Variants in PLPP4 observed in about 807,000 individuals in gnomAD.
PLPP4 encodes the protein diacylglycerol pyrophosphate like 2.
Under a neutral mutation model 32.2 loss-of-function variants are expected in PLPP4, and 20 were observed. That is an observed-to-expected ratio of 0.62 (90% CI 0.44 to 0.90). PLPP4 has a LOEUF of 0.90. Among genes scored for constraint, PLPP4 ranks in the 40% least tolerant of loss-of-function variants. The pLI is 0.00. For missense variants in PLPP4, 257 were observed against 353.1 expected, an observed-to-expected ratio of 0.73 and a Z score of 2.18; for synonymous variants, 127 against 133.0, an observed-to-expected ratio of 0.95 and a Z score of 0.31.
intron 5 of PLPP4, among the ~76,000 whole-genome samples, chr10:120,530,505 G>A (rs1448969778): frequency 1.3e-5 from 2 of 151,916 alleles, no homozygotes; most frequent in Non-Finnish European, 2.9e-5. Flanking sequence ...TTTTATTGTT[G>A]AAATGTATTT....
intron 1 of PLPP4, among the ~76,000 whole-genome samples, chr10:120,472,809 A>G (rs1848577540): frequency 6.6e-6 from 1 of 152,108 alleles, no homozygotes; most frequent in African/African-American, 2.4e-5. Context: ...GGCTCAGTTT[A>G]AGATAATTTC....
intron 5 of PLPP4, among the ~76,000 whole-genome samples, chr10:120,533,338 C>A (rs1846833462): frequency 6.6e-6 from 1 of 152,090 alleles, no homozygotes; most frequent in Admixed American, 6.5e-5. Context: ...CTATGCAAAT[C>A]CTTTGCCCAT....
At chr10:120,514,820 T>C (rs1387340343) in intron 3 of PLPP4, among the ~76,000 whole-genome samples, 5 of 152,184 alleles carry the variant, frequency 3.3e-5, no homozygotes, top group African/African-American at 4.8e-5. Flanking sequence ...ACACGTCACC[T>C]AAAAGTTACC....
chr10:120,514,829 C>T lies in PLPP4; in HGVS notation c.256+828C>T, dbSNP rs540307343. ...TTTTTGACACGTCACCTAAAAGTTA[C>T]CCAAATCCTCAGCCCAAATTTTGTT... is the stretch of plus-strand genomic sequence containing the variant. On this transcript the variant is annotated intron_variant, in intron 3 of 6. Transcript: ENST00000398250. 2.0e-5 allele frequency among the ~76,000 whole-genome samples: 3 copies of T among 152,248 alleles called. No homozygotes were observed. The East Asian group carries it at 5.8e-4, about 29-fold the overall frequency.
chr10:120,560,750 G>C (rs1487660619), intron 5 of PLPP4, among the ~76,000 whole-genome samples: 1 of 151,964 alleles, frequency 6.6e-6, no homozygotes, highest in Non-Finnish European at 1.5e-5. Context: ...GTGAGACTCT[G>C]TCTCAAAAAA....
intron 5 of PLPP4, among the ~76,000 whole-genome samples, chr10:120,531,864 TACACACACTACAC>T (rs1463494510): frequency 1.7e-5 from 2 of 115,544 alleles, no homozygotes; most frequent in Admixed American, 2.1e-4. Flanking sequence ...GTACACACAC[TACACACACTACAC>T]ACACACACAC....
intron 1 of PLPP4, among the ~76,000 whole-genome samples, chr10:120,487,290 C>T (rs116985130): frequency 2.6e-5 from 4 of 152,284 alleles, no homozygotes; most frequent in African/African-American, 9.6e-5. Context: ...TTTATTGTTA[C>T]GCTTTTAAAC....
intron 3 of PLPP4, among the ~76,000 whole-genome samples, chr10:120,517,458 AG>A (rs1405217377): frequency 6.6e-6 from 1 of 152,208 alleles, no homozygotes; most frequent in Non-Finnish European, 1.5e-5. Context: ...CTGTGTGTTC[AG>A]AATGCAATCA....
At chr10:120,497,419 G>GTATGTGTGTGCACACACAAGTGTGTGTT (rs905535714) in intron 1 of PLPP4, among the ~76,000 whole-genome samples, 3 of 152,012 alleles carry the variant, frequency 2.0e-5, no homozygotes, top group Non-Finnish European at 2.9e-5. Flanking sequence ...CAGGCAGTGT[G>GTATGTGTGTGCACACACAAGTGTGTGTT]TATGTGTGTG....
chr10:120,485,279 C>G (rs1406300527), intron 1 of PLPP4, among the ~76,000 whole-genome samples: 1 of 152,230 alleles, frequency 6.6e-6, no homozygotes, highest in African/African-American at 2.4e-5. Context: ...CTTATTCACT[C>G]TGGGTCCAAG....
chr10:120,472,695 A>G (rs1161992392), intron 1 of PLPP4, among the ~76,000 whole-genome samples: 1 of 151,778 alleles, frequency 6.6e-6, no homozygotes, highest in African/African-American at 2.4e-5. Flanking sequence ...TTGCTCCTGT[A>G]TTTTTGGTTC....
At chr10:120,521,773 T>C (rs1355489283) in intron 5 of PLPP4, among the ~76,000 whole-genome samples, 2 of 152,212 alleles carry the variant, frequency 1.3e-5, no homozygotes, top group Non-Finnish European at 2.9e-5. Flanking sequence ...GGAATGAGGA[T>C]TAAAATAAGT....
intron 1 of PLPP4, among the ~76,000 whole-genome samples, chr10:120,482,623 C>T (rs1370767822): frequency 4.6e-5 from 7 of 152,020 alleles, no homozygotes; most frequent in South Asian, 2.1e-4. Context: ...AAAATCCTGT[C>T]GCCAGGCGCA....
intron 5 of PLPP4, among the ~76,000 whole-genome samples, chr10:120,561,702 C>A (rs1199299872): frequency 6.6e-6 from 1 of 152,170 alleles, no homozygotes; most frequent in African/African-American, 2.4e-5. Flanking sequence ...GGGTCCCAGG[C>A]AAACAGAGGC....
At chr10:120,479,082 C>T (rs903694972) in intron 1 of PLPP4, among the ~76,000 whole-genome samples, 10 of 152,146 alleles carry the variant, frequency 6.6e-5, no homozygotes, top group Admixed American at 5.9e-4. Flanking sequence ...AAAAATTAGC[C>T]GGGCATGGTG....
At position 120,470,605 on chromosome 10, in the gene PLPP4, C is replaced by G. The variant is rs189649126; in HGVS notation, c.56+13244C>G. ...TTGGTTCTTTATCTGTTACTTGTCC[C>G]CCTCAAATGGTTTGTCGGTTATGGA... On this transcript the variant is annotated intron_variant, in intron 1 of 6. Transcript: ENST00000398250. Among the ~76,000 whole-genome samples, 771 of 152,098 alleles carry G rather than the reference C, an allele frequency of 5.1e-3. 5 individuals are homozygous for G. Among genetic ancestry groups the G allele is most frequent in the South Asian group, 0.016 (78 of 4,810 alleles).
intron 1 of PLPP4, among the ~76,000 whole-genome samples, chr10:120,494,555 G>A (rs962878018): frequency 6.6e-6 from 1 of 152,218 alleles, no homozygotes; most frequent in African/African-American, 2.4e-5. Flanking sequence ...TGAGTTGGGA[G>A]GCTTATCACA....
chr10:120,511,836 G>A (rs1052929166), intron 2 of PLPP4, among the ~76,000 whole-genome samples: 2 of 152,200 alleles, frequency 1.3e-5, no homozygotes, highest in African/African-American at 2.4e-5. Flanking sequence ...GCTCACACCT[G>A]TAATCCCAGC....
At chr10:120,534,939 C>G (rs1846941923) in intron 5 of PLPP4, among the ~76,000 whole-genome samples, 1 of 152,136 alleles carries the variant, frequency 6.6e-6, no homozygotes, top group African/African-American at 2.4e-5. Flanking sequence ...AATCTGGCAT[C>G]TGGTGGCCCT....
Sources: allele counts gnomAD v4.1 joint callset (sites outside exome capture counted in the v4.1 genomes callset), GRCh38; gene constraint gnomAD v4.1.1; transcripts MANE v1.5; gene names NCBI Gene and HGNC (gene_info 2026-07-23, HGNC 2026-07-21).